Variants in ADGRL2 observed in about 807,000 individuals in gnomAD.
ADGRL2 encodes calcium-independent alpha-latrotoxin receptor 2.
In ADGRL2, 44 loss-of-function variants were observed where a neutral mutation model predicts 157.4. The observed-to-expected ratio is 0.28, with a 90% confidence interval of 0.22 to 0.36. ADGRL2 has a LOEUF of 0.36. Among genes scored for constraint, ADGRL2 ranks in the 10% least tolerant of loss-of-function variants. The pLI is 1.00. For synonymous variants in ADGRL2, 585 were observed against 624.7 expected, an observed-to-expected ratio of 0.94 and a Z score of 0.95; for missense variants, 1,510 against 1,768.9, an observed-to-expected ratio of 0.85 and a Z score of 2.63.
intron 3 of ADGRL2, among the ~76,000 whole-genome samples, chr1:81,643,297 A>G (rs1446709639): frequency 6.6e-6 from 1 of 152,116 alleles, no homozygotes; most frequent in Admixed American, 6.6e-5. Context: ...CCAGCAATGA[A>G]CAAGTGGAAT....
intron 2 of ADGRL2, among the ~76,000 whole-genome samples, chr1:81,562,647 C>G (rs1408616535): frequency 6.6e-6 from 1 of 151,854 alleles, no homozygotes; most frequent in East Asian, 1.9e-4. Context: ...AAAATTTTAG[C>G]AAATTTAATT....
intron 1 of ADGRL2, among the ~76,000 whole-genome samples, chr1:81,353,112 G>T (rs1359553172): frequency 1.3e-5 from 2 of 152,104 alleles, no homozygotes; most frequent in Non-Finnish European, 2.9e-5. Context: ...TGATAAATGG[G>T]TGTTATGATT....
chr1:81,734,651 A>T (rs1467873653), intron 1 of ADGRL2, among the ~76,000 whole-genome samples: 1 of 148,024 alleles, frequency 6.8e-6, no homozygotes, highest in Non-Finnish European at 1.5e-5. Flanking sequence ...CACACCTACC[A>T]CATACCAATG....
At chr1:81,563,176 A>C (rs11163333) in intron 2 of ADGRL2, among the ~76,000 whole-genome samples, 2,982 of 152,268 alleles carry the variant, frequency 0.02, 93 homozygotes, top group African/African-American at 0.067. Flanking sequence ...CGTGTCACCC[A>C]TAGGATTTGA....
chr1:81,953,141 C>T, intron 10 of ADGRL2, 116 bp downstream of exon 10: 1 of 800,776 alleles, frequency 1.2e-6, no homozygotes. Flanking sequence ...TAATGTGCCC[C>T]ATATCAGCTG....
intron 2 of ADGRL2, among the ~76,000 whole-genome samples, chr1:81,852,149 G>A (rs17107350): frequency 0.14 from 21,520 of 151,848 alleles, 1,690 homozygotes; most frequent in South Asian, 0.2. Context: ...TTACCACCTC[G>A]TTTTAAAACA....
intron 2 of ADGRL2, among the ~76,000 whole-genome samples, chr1:81,451,835 T>C (rs940422013): frequency 1.3e-4 from 20 of 152,294 alleles, no homozygotes; most frequent in African/African-American, 3.4e-4. Context: ...TTTTATCTCA[T>C]AAAAGTTAGA....
Position 81,822,138 on chromosome 1 carries a change from C to T in ADGRL2, c.-100-14747C>T, listed in dbSNP as rs558763816. Among the ~76,000 whole-genome samples, 23 of 145,166 alleles carry T rather than the reference C, an allele frequency of 1.6e-4. No homozygotes were observed. The East Asian group carries it at 3.1e-3, about 20-fold the overall frequency. On this transcript the variant is annotated intron_variant, in intron 1 of 23. Transcript: ENST00000686636. ...CACAATTGGCTGTTGAACTGGAGTGCCGTTGTCTGTCTTATAATTTTGGAG... is the reference window on the plus strand; with the variant it reads ...CACAATTGGCTGTTGAACTGGAGTGTCGTTGTCTGTCTTATAATTTTGGAG...
chr1:81,572,839 G>A (rs1408877143), intron 2 of ADGRL2, among the ~76,000 whole-genome samples: 1 of 151,414 alleles, frequency 6.6e-6, no homozygotes, highest in East Asian at 1.9e-4. Flanking sequence ...CACTCAGAGG[G>A]CAAATATGAT....
At chr1:81,488,106 A>C (rs1310634140) in intron 2 of ADGRL2, among the ~76,000 whole-genome samples, 1 of 152,042 alleles carries the variant, frequency 6.6e-6, no homozygotes, top group African/African-American at 2.4e-5. Flanking sequence ...AAGAATGAGC[A>C]CCATTTTTCC....
At position 81,922,920 on chromosome 1, in the gene ADGRL2, C is replaced by T. The variant is rs72944957; in HGVS notation, c.288-13808C>T. On this transcript the variant is annotated intron_variant, in intron 3 of 23. Transcript: ENST00000686636. ...TTCTTTTCCTCCTTCTTCCTATTTA[C>T]CTGTGATCAATTGATCTATCTATGT... Among the ~76,000 whole-genome samples the T allele has an allele frequency of 9.2e-3, 1,395 of 152,214 alleles. 22 individuals carry two copies. The highest frequency in any genetic ancestry group is 0.032 in the African/African-American group (1,332 of 41,538).
At chr1:81,606,596 G>A (rs1045024341) in intron 3 of ADGRL2, among the ~76,000 whole-genome samples, 4 of 152,100 alleles carry the variant, frequency 2.6e-5, no homozygotes, top group East Asian at 1.9e-4. Flanking sequence ...ACCAGATACC[G>A]AAGAATTTGG....
intron 1 of ADGRL2, among the ~76,000 whole-genome samples, chr1:81,711,460 A>G (rs937376195): frequency 1.3e-5 from 2 of 152,204 alleles, no homozygotes; most frequent in African/African-American, 2.4e-5. Flanking sequence ...TGCTTTTTGC[A>G]TGCATCCATT....
rs1478060165 is a variant in ADGRL2 at position 81,673,664 on chromosome 1, A to G, written c.-142-88147A>G. Among the ~76,000 whole-genome samples, 7 of 151,816 alleles carry G rather than the reference A, an allele frequency of 4.6e-5. No homozygotes were observed. In the East Asian group the frequency reaches 9.7e-4, roughly 21 times the overall value. On this transcript the variant is annotated intron_variant, in intron 3 of 24. Transcript: ENST00000370721. Reference sequence around the variant, plus strand: ...CAAGGAGCTGGGACTACAGGCGCCCACCACCACGCCCAGCTAATTTTTTTG... The same window carrying G: ...CAAGGAGCTGGGACTACAGGCGCCCGCCACCACGCCCAGCTAATTTTTTTG...
chr1:81,630,443 T>C (rs1014647151), intron 3 of ADGRL2, among the ~76,000 whole-genome samples: 1 of 152,164 alleles, frequency 6.6e-6, no homozygotes, highest in Non-Finnish European at 1.5e-5. Flanking sequence ...ACCAATCTCA[T>C]AGAGATTATA....
intron 1 of ADGRL2, among the ~76,000 whole-genome samples, chr1:81,699,973 AG>A (rs143625891): frequency 0.015 from 2,341 of 152,294 alleles, 69 homozygotes; most frequent in African/African-American, 0.054. Flanking sequence ...TGCTCTAAAA[AG>A]AGATAGCCAG....
chr1:81,813,763 A>G (rs898536857), intron 1 of ADGRL2, among the ~76,000 whole-genome samples: 1 of 151,780 alleles, frequency 6.6e-6, no homozygotes, highest in African/African-American at 2.4e-5. Context: ...TTAATATAAT[A>G]GGCACTGCAA....
intron 3 of ADGRL2, among the ~76,000 whole-genome samples, chr1:81,597,338 C>T (rs1486139833): frequency 6.6e-6 from 1 of 151,900 alleles, no homozygotes; most frequent in African/African-American, 2.4e-5. Flanking sequence ...ATTATATTTG[C>T]TACAAATATA....
Position 81,858,942 on chromosome 1 carries a change from A to G in ADGRL2, c.73+21885A>G, listed in dbSNP as rs60985316. On this transcript the variant is annotated intron_variant, in intron 2 of 23. Transcript: ENST00000686636. ...GCCATTTTATAGTCGTATGGCAGCT[A>G]TTATTATTTATTTTTACTACATATT... 7.6e-3 allele frequency among the ~76,000 whole-genome samples: 1,163 copies of G among 152,226 alleles called. 18 individuals are homozygous for G. Among genetic ancestry groups the G allele is most frequent in the African/African-American group, 0.025 (1,035 of 41,548 alleles).
Sources: gnomAD v4.1 joint callset for allele counts (sites outside exome capture counted in the v4.1 genomes callset) on GRCh38, gnomAD v4.1.1 for gene constraint, MANE v1.5 for transcripts, NCBI Gene and HGNC (gene_info 2026-07-23, HGNC 2026-07-21) for gene names.